FGF12: variants seen among roughly 807,000 people sequenced by gnomAD.
FGF12 encodes the protein fibroblast growth factor 12B.
FGF12 carries 14 observed loss-of-function variants against 23.6 expected under a neutral mutation model. The observed-to-expected ratio is 0.59, with a 90% CI of 0.39 to 0.93. The LOEUF is 0.93. FGF12 is among the 40% of genes least tolerant of loss of function. The pLI, the probability that FGF12 is intolerant of heterozygous loss-of-function variation, is 0.00. For missense variants in FGF12, 175 were observed against 217.8 expected (o/e 0.80, Z 1.24); for synonymous variants, 62 against 77.3 (o/e 0.80, Z 1.04).
intron 2 of FGF12, among the ~76,000 whole-genome samples, chr3:192,396,189 C>T (rs951313080): frequency 2.0e-5 from 3 of 152,150 alleles, no homozygotes; most frequent in African/African-American, 4.8e-5. Flanking sequence ...CAAAATAATA[C>T]AGCAAAACTA....
intron 4 of FGF12, among the ~76,000 whole-genome samples, chr3:192,258,233 G>T (rs912263699): frequency 6.6e-6 from 1 of 152,116 alleles, no homozygotes; most frequent in African/African-American, 2.4e-5. Context: ...CAAGGTGGAT[G>T]GATCACTTCA....
At chr3:192,376,291 A>G (rs1457446877) in intron 2 of FGF12, among the ~76,000 whole-genome samples, 1 of 151,652 alleles carries the variant, frequency 6.6e-6, no homozygotes, top group African/African-American at 2.4e-5. Context: ...GAACACACAC[A>G]TAAACTTTCT....
At chr3:192,678,432 G>C (rs1413496222) in intron 2 of FGF12, among the ~76,000 whole-genome samples, 1 of 152,170 alleles carries the variant, frequency 6.6e-6, no homozygotes, top group Non-Finnish European at 1.5e-5. Flanking sequence ...TTTGAAGTCA[G>C]TGAGGATCCC....
chr3:192,392,366 G>A (rs1252980868), intron 2 of FGF12, among the ~76,000 whole-genome samples: 2 of 151,380 alleles, frequency 1.3e-5, no homozygotes, highest in African/African-American at 2.4e-5. Context: ...TCGGGAGTTC[G>A]AGACCAGCCT....
intron 2 of FGF12, among the ~76,000 whole-genome samples, chr3:192,663,424 A>G (rs1181015996): frequency 6.6e-6 from 1 of 152,188 alleles, no homozygotes; most frequent in Admixed American, 6.5e-5. Context: ...AATGGGGTCC[A>G]AGGCTGGTGG....
intron 2 of FGF12, among the ~76,000 whole-genome samples, chr3:192,699,444 T>C (rs970643794): frequency 2.0e-5 from 3 of 152,190 alleles, no homozygotes; most frequent in African/African-American, 7.2e-5. Context: ...GTAATAACTA[T>C]TCGGTCATGG....
chr3:192,203,106 A>T (rs2366569), intron 4 of FGF12, among the ~76,000 whole-genome samples: 28 of 151,826 alleles, frequency 1.8e-4, no homozygotes, highest in Non-Finnish European at 2.8e-4. Flanking sequence ...GATTTTTTTT[A>T]AAAATGTACT....
chr3:192,278,855 G>T (rs74641629), intron 4 of FGF12, among the ~76,000 whole-genome samples: 1 of 152,070 alleles, frequency 6.6e-6, no homozygotes, highest in East Asian at 1.9e-4. Flanking sequence ...ACAATTCTCT[G>T]GTTCCCTTCC....
At chr3:192,612,980 CT>C (rs1180770372) in intron 2 of FGF12, among the ~76,000 whole-genome samples, 2 of 151,544 alleles carry the variant, frequency 1.3e-5, no homozygotes, top group Non-Finnish European at 2.9e-5. Context: ...GAACCACAAA[CT>C]GTGGGATAGA....
At position 192,141,566 on chromosome 3, in the gene FGF12, A is replaced by G. The variant is rs138078574; in HGVS notation, c.*2443T>C. On this transcript the variant is annotated 3_prime_UTR_variant, in exon 6 of 6. Coordinates refer to ENST00000445105, the MANE Select transcript of FGF12 (RefSeq NM_004113.6). ...AACATAATACGGAGAAAAACAATAT[A>G]CAAATTGTGTGGTTAGAATTTTTTC... 80 of 152,130 alleles carry G rather than the reference A, an allele frequency of 5.3e-4. 1 individual carries two copies. In the East Asian group the frequency reaches 0.015, roughly 29 times the overall value. 9.4% of individuals were successfully genotyped at this position (152,130 alleles called of 1,614,324 possible).
At chr3:192,697,104 TCTC>T (rs1427228649) in intron 2 of FGF12, among the ~76,000 whole-genome samples, 1 of 151,862 alleles carries the variant, frequency 6.6e-6, no homozygotes, top group Non-Finnish European at 1.5e-5. Flanking sequence ...AGGGCTGACT[TCTC>T]CTGCTGACAG....
At chr3:192,256,575 T>C (rs1008353871) in intron 4 of FGF12, among the ~76,000 whole-genome samples, 1 of 152,138 alleles carries the variant, frequency 6.6e-6, no homozygotes, top group African/African-American at 2.4e-5. Context: ...ATATGCCATA[T>C]ATTTAAAGCA....
intron 2 of FGF12, among the ~76,000 whole-genome samples, chr3:192,425,913 G>A (rs942152285): frequency 2.6e-5 from 4 of 152,084 alleles, no homozygotes; most frequent in South Asian, 2.1e-4. Flanking sequence ...AAATTACATG[G>A]GGATGGAACT....
At chr3:192,463,649 G>A (rs1300906837) in intron 2 of FGF12, among the ~76,000 whole-genome samples, 1 of 152,068 alleles carries the variant, frequency 6.6e-6, no homozygotes, top group Non-Finnish European at 1.5e-5. Flanking sequence ...TCCCAGCCCA[G>A]CACAGTGGCT....
At chr3:192,325,234 G>A (rs1293843365) in intron 4 of FGF12, among the ~76,000 whole-genome samples, 1 of 151,794 alleles carries the variant, frequency 6.6e-6, no homozygotes, top group Non-Finnish European at 1.5e-5. Context: ...TATATATGGG[G>A]TGAAAAAAGA....
At chr3:192,567,774 TTTCTTTCTTTCTTTCTTTC>T (rs1226827601) in intron 2 of FGF12, among the ~76,000 whole-genome samples, 31 of 135,064 alleles carry the variant, frequency 2.3e-4, no homozygotes, top group Non-Finnish European at 3.6e-4. Flanking sequence ...TCTTTCTTTC[TTTCTTTCTTTCTTTCTTTC>T]TTTCTTTCTC....
At chr3:192,300,397 C>T (rs1715273641) in intron 4 of FGF12, among the ~76,000 whole-genome samples, 1 of 152,022 alleles carries the variant, frequency 6.6e-6, no homozygotes, top group African/African-American at 2.4e-5. Flanking sequence ...CCAGATGGGA[C>T]CTAATAGTTT....
chr3:192,225,614 TATAAG>T (rs950324725), intron 4 of FGF12, among the ~76,000 whole-genome samples: 17 of 152,150 alleles, frequency 1.1e-4, no homozygotes, highest in African/African-American at 3.1e-4. Context: ...TTTATATATA[TATAAG>T]ATAATTAAAA....
chr3:192,545,839 GA>G (rs1560146006), intron 2 of FGF12, among the ~76,000 whole-genome samples: 1 of 152,118 alleles, frequency 6.6e-6, no homozygotes, highest in Non-Finnish European at 1.5e-5. Context: ...GAGGACATTT[GA>G]GCTGTGGGCA....
Sources: gnomAD v4.1 joint callset for allele counts (sites outside exome capture counted in the v4.1 genomes callset) on GRCh38, gnomAD v4.1.1 for gene constraint, MANE v1.5 for transcripts, NCBI Gene and HGNC (gene_info 2026-07-23, HGNC 2026-07-21) for gene names.